The following THOP1 variants were observed in gnomAD, a reference collection of about 807,000 sequenced individuals.
THOP1 encodes the protein thimet oligopeptidase 1, also known as thimet oligopeptidase.
A neutral mutation model predicts 71.8 loss-of-function variants in THOP1; 49 were observed. The ratio of observed to expected loss-of-function variants is 0.68; its 90% CI spans 0.54 to 0.87. The LOEUF (loss-of-function observed/expected upper bound fraction) is 0.87. THOP1 is among the 40% of genes least tolerant of loss of function. The probability of loss-of-function intolerance (pLI) is 0.00; values close to 1 mark genes in which losing one functional copy is unlikely to be tolerated. For synonymous variants in THOP1, 426 were observed against 421.5 expected, an observed-to-expected ratio of 1.01 and a Z score of -0.13; for missense variants, 843 against 975.6, an observed-to-expected ratio of 0.86 and a Z score of 1.81.
Position 2,813,464 on chromosome 19 carries a change from C to G in THOP1, c.*188C>G. ...CCCACCCGGCTAGAGACGGCGTCCT[C>G]AAGGCATCTGGAGGGCTTTCGTGGC... On this transcript the variant is annotated 3_prime_UTR_variant, in exon 13 of 13. Transcript: ENST00000307741. 1 of 703,802 alleles carries G rather than the reference C, an allele frequency of 1.4e-6. No individual in the cohort carries two copies. Among genetic ancestry groups the G allele is most frequent in the African/African-American group, 1.8e-5 (1 of 56,088 alleles). The allele number at this position is 703,802 out of a possible 1,614,324, so 43.6% of individuals were successfully genotyped here.
chr19:2,799,556 C>T (rs1440373194), intron 4 of THOP1, 133 bp from the exon 5 acceptor site: 12 of 676,914 alleles, frequency 1.8e-5, no homozygotes, highest in East Asian at 8.1e-5. Flanking sequence ...CTTTCCTCCT[C>T]GGTTGCCTCT....
At position 2,790,578 on chromosome 19, in the gene THOP1, C is replaced by T. The variant is rs138847515; in HGVS notation, c.174C>T (p.Asp58=). 26 of 1,604,586 alleles carry T rather than the reference C, an allele frequency of 1.6e-5. No homozygotes were observed. Among genetic ancestry groups the T allele is most frequent in the African/African-American group, 1.6e-4 (12 of 74,572 alleles). Residue 58 remains aspartate (D), a synonymous_variant, in exon 2 of 13, where the codon GAC becomes GAT. Coordinates refer to ENST00000307741, the MANE Select transcript of THOP1 (RefSeq NM_003249.5). ...YDQVGTQEFE[D]VSYESTLKAL... ...AGGTTGGCACCCAGGAGTTTGAGGACGTGTCCTACGAGAGCACGCTCAAGG... is the reference window on the plus strand; with the variant it reads ...AGGTTGGCACCCAGGAGTTTGAGGATGTGTCCTACGAGAGCACGCTCAAGG...
At chr19:2,811,284 C>T (rs1187475719) in intron 11 of THOP1, among the ~76,000 whole-genome samples, 1 of 152,226 alleles carries the variant, frequency 6.6e-6, no homozygotes, top group Non-Finnish European at 1.5e-5. Context: ...TTTTCAGCAG[C>T]GTGGCCTGTG....
chr19:2,800,062 C>G (rs1916110297), intron 5 of THOP1, among the ~76,000 whole-genome samples: 1 of 152,258 alleles, frequency 6.6e-6, no homozygotes, highest in Admixed American at 6.5e-5. Context: ...ATGTCCCTGG[C>G]AGTGGCGGAA....
Position 2,785,668 on chromosome 19 carries a change from GC to G in THOP1, c.12del (p.Ala5GlnfsTer17). ...CAGGCGCAGACCCACCCGCCATGAA[GC>G]CCCCCGCAGGTACCGACTACCCCGC... is the stretch of plus-strand genomic sequence containing the variant. MK[P>X]PAACAGDMAD... On this transcript the variant is annotated frameshift_variant, in exon 1 of 13. Transcript: ENST00000307741. LOFTEE classifies it high-confidence loss of function. 6.0e-6 allele frequency: 9 copies of G among 1,500,892 alleles called. No individual in the cohort carries two copies. Among genetic ancestry groups the G allele is most frequent in the Admixed American group, 2.2e-5 (1 of 45,940 alleles). The allele number at this position is 1,500,892 out of a possible 1,614,324, so 93.0% of individuals were successfully genotyped here.
chr19:2,786,765 A>ATTT lies in THOP1; in HGVS notation c.16+1100_16+1102dup, dbSNP rs550767741. On this transcript the variant is annotated intron_variant, in intron 1 of 12. Coordinates refer to ENST00000307741, the MANE Select transcript of THOP1 (RefSeq NM_003249.5). ...AGGCGCCCACCACCACACCTGGCTA[A>ATTT]TTTTTTTTTTTTTTTGGAGATAGAG... Among the ~76,000 whole-genome samples the ATTT allele has an allele frequency of 4.9e-5, 5 of 101,206 alleles. 1 individual carries two copies. The highest frequency in any genetic ancestry group is 1.6e-4 in the African/African-American group (3 of 19,158). The allele number at this position is 101,206 out of a possible 152,430, so 66.4% of individuals were successfully genotyped here. A position where few individuals can be genotyped will look rare whatever the true frequency, so the allele number is the denominator to read the frequency against.
intron 9 of THOP1, chr19:2,809,838 A>G (rs1916409834): frequency 1.2e-5 from 2 of 165,774 alleles, no homozygotes; most frequent in Admixed American, 1.2e-4. Context: ...GAGGACCTTG[A>G]GGATCACCCA....
intron 4 of THOP1, among the ~76,000 whole-genome samples, chr19:2,797,257 T>C (rs1432243743): frequency 6.6e-6 from 1 of 151,606 alleles, no homozygotes; most frequent in Non-Finnish European, 1.5e-5. Flanking sequence ...TGCCCCAGAG[T>C]GTAGGGGCTC....
intron 7 of THOP1, 55 bp downstream of exon 7, chr19:2,807,107 AC>A (rs1475739666): frequency 6.5e-6 from 10 of 1,543,944 alleles, no homozygotes; most frequent in Non-Finnish European, 8.7e-6. Flanking sequence ...TCTCAGGGTC[AC>A]CCCAGGGGAC....
chr19:2,811,822 TACGC>T (rs1348192377), intron 12 of THOP1, 88 bp downstream of exon 12: 1 of 1,519,462 alleles, frequency 6.6e-7, no homozygotes. Flanking sequence ...AATGGCAAGG[TACGC>T]GGGGACTGGG....
intron 5 of THOP1, among the ~76,000 whole-genome samples, chr19:2,803,957 A>G (rs1428826877): frequency 1.3e-5 from 2 of 151,084 alleles, no homozygotes; most frequent in South Asian, 2.1e-4. Context: ...GCTCCCAATC[A>G]TTCTTTCCAC....
chr19:2,797,841 G>A (rs558755672), intron 4 of THOP1, among the ~76,000 whole-genome samples: 4 of 152,230 alleles, frequency 2.6e-5, no homozygotes, highest in Non-Finnish European at 5.9e-5. Context: ...TAAAGCCACC[G>A]CTGTCCTGGT....
In THOP1 at chr19:2,813,264, G is replaced by A. The variant is rs61736897; in HGVS notation, c.2058G>A (p.Pro686=). 2,084 of 1,609,912 alleles carry A rather than the reference G, an allele frequency of 1.3e-3. 32 individuals carry two copies. In the African/African-American group the frequency reaches 0.024, roughly 19 times the overall value. The change falls in exon 13 of 13, where the codon CCG becomes CCA. Residue 686 remains proline, a synonymous_variant. Coordinates refer to ENST00000307741, the MANE Select transcript of THOP1 (RefSeq NM_003249.5). The part of the protein sequence containing the change: ...GLQVGGCEPE[P]QVC ...AGGTCGGGGGCTGCGAGCCCGAGCC[G>A]CAGGTCTGCTGAGGCCTGGCACTGC...
chr19:2,794,136 T>A (rs1423376477), intron 2 of THOP1, among the ~76,000 whole-genome samples: 1 of 151,962 alleles, frequency 6.6e-6, no homozygotes, highest in East Asian at 1.9e-4. Context: ...TACCTCAGCC[T>A]CCCAAGTAGT....
In THOP1 at chr19:2,796,170, C is replaced by A. The variant is rs768774828; in HGVS notation, c.468C>A (p.Leu156=). Residue 156 remains leucine (L), a synonymous_variant, in exon 4 of 13, where the codon CTC becomes CTA. Transcript: ENST00000307741. ...TGGGCCGGAGAAATGGGCTTCACCT[C>A]CCCAGAGAGACTCAGGAAGTGAGTG... ...IKLGRRNGLH[L]PRETQENIKR... 4.3e-6 allele frequency: 7 copies of A among 1,613,130 alleles called. No individual in the cohort carries two copies. In the Admixed American group the frequency reaches 1.2e-4, roughly 27 times the overall value.
At chr19:2,790,896 A>G (rs1472312713) in intron 2 of THOP1, among the ~76,000 whole-genome samples, 2 of 152,154 alleles carry the variant, frequency 1.3e-5, no homozygotes, top group Non-Finnish European at 1.5e-5. Context: ...GCTCTGCTTC[A>G]CAGCCTCGTC....
At chr19:2,810,250 G>A (rs1736184) in intron 9 of THOP1, 54 bp from the exon 10 acceptor site, 476,938 of 1,574,452 alleles carry the variant, frequency 0.3, 73,892 homozygotes, top group East Asian at 0.48. Flanking sequence ...CCAGGCCGGC[G>A]GGAACGGGCT....
intron 1 of THOP1, 122 bp downstream of exon 1, chr19:2,785,800 G>T (rs1218189955): frequency 2.1e-6 from 2 of 943,406 alleles, no homozygotes; most frequent in Non-Finnish European, 2.8e-6. Flanking sequence ...CGGGCTGGAG[G>T]GGCAGCGGGG....
intron 2 of THOP1, among the ~76,000 whole-genome samples, chr19:2,793,702 A>G (rs1169062252): frequency 6.6e-6 from 1 of 152,104 alleles, no homozygotes; most frequent in Non-Finnish European, 1.5e-5. Context: ...AAAAAAACAA[A>G]TGGCATCACA....
Sources: allele counts gnomAD v4.1 joint callset (sites outside exome capture counted in the v4.1 genomes callset), GRCh38; gene constraint gnomAD v4.1.1; transcripts MANE v1.5; gene names NCBI Gene and HGNC (gene_info 2026-07-23, HGNC 2026-07-21).